CTNNA2: variants seen among roughly 807,000 people sequenced by gnomAD.
CTNNA2 encodes catenin alpha-2.
CTNNA2 carries 42 observed loss-of-function variants against 101.0 expected under a neutral mutation model. That is an observed-to-expected ratio of 0.42 (90% confidence interval 0.32 to 0.54). CTNNA2 has a LOEUF of 0.54. Ranked by LOEUF, CTNNA2 falls within the 20% of genes least tolerant of loss-of-function variation. The pLI is 0.14. For synonymous variants in CTNNA2, 450 were observed against 456.4 expected (o/e 0.99, Z 0.18); for missense variants, 871 against 1,223.1 (o/e 0.71, Z 4.29).
At chr2:79,840,182 G>A (rs2103836322) in intron 3 of CTNNA2, among the ~76,000 whole-genome samples, 1 of 152,314 alleles carries the variant, frequency 6.6e-6, no homozygotes, top group South Asian at 2.1e-4. Flanking sequence ...TCTGGACTGA[G>A]ACAACAAGTT....
chr2:80,021,620 A>G (rs1694571500), intron 7 of CTNNA2, among the ~76,000 whole-genome samples: 1 of 152,202 alleles, frequency 6.6e-6, no homozygotes, highest in Non-Finnish European at 1.5e-5. Flanking sequence ...CAAAAGTTGT[A>G]TGTATTTATG....
chr2:80,109,962 A>G (rs775265733), intron 7 of CTNNA2, among the ~76,000 whole-genome samples: 2 of 152,200 alleles, frequency 1.3e-5, no homozygotes, highest in African/African-American at 2.4e-5. Context: ...TACAGTGTAC[A>G]TTTTGATAAG....
At chr2:79,896,902 G>T (rs1362979708) in intron 6 of CTNNA2, among the ~76,000 whole-genome samples, 1 of 152,174 alleles carries the variant, frequency 6.6e-6, no homozygotes, top group Non-Finnish European at 1.5e-5. Context: ...AGCATACTGG[G>T]GTGGGGCAAT....
At chr2:80,031,878 A>G (rs979884859) in intron 7 of CTNNA2, among the ~76,000 whole-genome samples, 1 of 152,234 alleles carries the variant, frequency 6.6e-6, no homozygotes, top group East Asian at 1.9e-4. Flanking sequence ...GGGATTAGAT[A>G]AATATGCAGA....
At chr2:80,041,703 A>G (rs1639519637) in intron 7 of CTNNA2, among the ~76,000 whole-genome samples, 1 of 152,226 alleles carries the variant, frequency 6.6e-6, no homozygotes, top group Admixed American at 6.5e-5. Context: ...GATAATACAT[A>G]AAACAAATTA....
chr2:79,602,124 G>A (rs886841880), intron 1 of CTNNA2, among the ~76,000 whole-genome samples: 2 of 152,160 alleles, frequency 1.3e-5, no homozygotes, highest in Non-Finnish European at 2.9e-5. Context: ...TTGAAAGATC[G>A]TAAGTTGAAC....
At chr2:79,434,175 G>T (rs1487245903) in intron 4 of CTNNA2, among the ~76,000 whole-genome samples, 1 of 151,698 alleles carries the variant, frequency 6.6e-6, no homozygotes, top group South Asian at 2.1e-4. Context: ...GTGCATTCCT[G>T]TAGTTCCTGC....
At chr2:79,297,326 C>T (rs377256290) in intron 2 of CTNNA2, among the ~76,000 whole-genome samples, 1 of 152,158 alleles carries the variant, frequency 6.6e-6, no homozygotes, top group South Asian at 2.1e-4. Flanking sequence ...AACCTAGAAA[C>T]ATTTCTGTTC....
chr2:79,258,405 C>A (rs1674875751), intron 2 of CTNNA2, among the ~76,000 whole-genome samples: 1 of 152,102 alleles, frequency 6.6e-6, no homozygotes, highest in Non-Finnish European at 1.5e-5. Context: ...TGGCAGAGCT[C>A]TTGAAGGATG....
chr2:79,435,125 C>T (rs763001957), intron 4 of CTNNA2, among the ~76,000 whole-genome samples: 5 of 151,928 alleles, frequency 3.3e-5, no homozygotes, highest in South Asian at 2.1e-4. Context: ...CTTGGCAGAC[C>T]GGGCCCAGGA....
chr2:79,289,148 G>A (rs1675716071), intron 2 of CTNNA2, among the ~76,000 whole-genome samples: 1 of 152,150 alleles, frequency 6.6e-6, no homozygotes, highest in Non-Finnish European at 1.5e-5. Flanking sequence ...GCCTCTCAGT[G>A]ATTTGTCATT....
chr2:80,233,080 G>A (rs187876331), intron 7 of CTNNA2, among the ~76,000 whole-genome samples: 88 of 152,162 alleles, frequency 5.8e-4, no homozygotes, highest in South Asian at 1.2e-3. Flanking sequence ...TAGTTGCTTC[G>A]TGACATCCTT....
chr2:80,134,304 G>A (rs1267619300), intron 7 of CTNNA2, among the ~76,000 whole-genome samples: 1 of 152,012 alleles, frequency 6.6e-6, no homozygotes, highest in Admixed American at 6.6e-5. Flanking sequence ...TAAGAAGAGG[G>A]GCATGGAGGG....
At chr2:79,555,339 C>T (rs745875461) in intron 1 of CTNNA2, among the ~76,000 whole-genome samples, 6 of 152,098 alleles carry the variant, frequency 3.9e-5, no homozygotes, top group Non-Finnish European at 7.4e-5. Context: ...CAAAAGCATC[C>T]TCTTGAATGG....
chr2:79,537,059 T>A (rs72921184), intron 1 of CTNNA2, among the ~76,000 whole-genome samples: 1 of 152,302 alleles, frequency 6.6e-6, no homozygotes, highest in South Asian at 2.1e-4. Flanking sequence ...CACTTGCCAC[T>A]GTTTGCAAAA....
chr2:80,524,699 T>C (rs1424715759), intron 9 of CTNNA2, among the ~76,000 whole-genome samples: 2 of 152,142 alleles, frequency 1.3e-5, no homozygotes, highest in African/African-American at 2.4e-5. Flanking sequence ...TCCTTCCCCA[T>C]CTTAGGGTCT....
chr2:79,322,103 T>G (rs1322232803), intron 3 of CTNNA2, among the ~76,000 whole-genome samples: 1 of 152,174 alleles, frequency 6.6e-6, no homozygotes, highest in Non-Finnish European at 1.5e-5. Flanking sequence ...TTCAAAACTG[T>G]AATAAAGCTG....
At chr2:79,403,805 C>G (rs539873657) in intron 4 of CTNNA2, among the ~76,000 whole-genome samples, 13 of 152,022 alleles carry the variant, frequency 8.6e-5, no homozygotes, top group African/African-American at 3.1e-4. Context: ...AAATGAGAAA[C>G]TTCATTGAGT....
At chr2:80,171,231 G>C (rs1014245571) in intron 7 of CTNNA2, among the ~76,000 whole-genome samples, 1 of 152,220 alleles carries the variant, frequency 6.6e-6, no homozygotes, top group Non-Finnish European at 1.5e-5. Flanking sequence ...GATCGTGCTT[G>C]ATGGAAAAGC....
Sources: gnomAD v4.1 joint callset for allele counts (sites outside exome capture counted in the v4.1 genomes callset) on GRCh38, gnomAD v4.1.1 for gene constraint, MANE v1.5 for transcripts, NCBI Gene and HGNC (gene_info 2026-07-23, HGNC 2026-07-21) for gene names.